Variants in TBKBP1 observed in about 807,000 individuals in gnomAD.
TBKBP1 encodes the protein TBK1 binding protein 1, also known as TANK-binding kinase 1-binding protein 1.
TBKBP1 carries 47 observed loss-of-function variants against 69.9 expected under a neutral mutation model. The ratio of observed to expected loss-of-function variants is 0.67; its 90% CI spans 0.53 to 0.86. The LOEUF (loss-of-function observed/expected upper bound fraction) is 0.86, where lower values mean the gene tolerates loss of function less well. TBKBP1 is among the 40% of genes least tolerant of loss of function. TBKBP1 has a pLI of 0.00. For missense variants in TBKBP1, 831 were observed against 858.6 expected, an observed-to-expected ratio of 0.97 and a Z score of 0.40; for synonymous variants, 418 against 390.3, an observed-to-expected ratio of 1.07 and a Z score of -0.84.
rs891887308 is a variant in TBKBP1 at position 47,709,250 on chromosome 17, G to A, written c.1517G>A (p.Arg506Gln). 3 of 1,522,056 alleles carry A rather than the reference G, an allele frequency of 2.0e-6. No homozygotes were observed. The highest frequency in any genetic ancestry group is 1.4e-5 in the African/African-American group (1 of 69,900). The allele number at this position is 1,522,056 out of a possible 1,614,324, so 94.3% of individuals were successfully genotyped here. ...LYGPGRPLSP[R>Q]RAFEGIRLRF... ...GGCCCTGGCAGGCCCCTCAGCCCGCGGCGCGCCTTCGAGGGCATCCGGCTG... is the reference window on the plus strand; with the variant it reads ...GGCCCTGGCAGGCCCCTCAGCCCGCAGCGCGCCTTCGAGGGCATCCGGCTG... The change falls in exon 9 of 10, where the codon CGG becomes CAG. Residue 506 changes from arginine to glutamine, a missense_variant. Transcript: ENST00000578982.
chr17:47,696,085 C>G lies in TBKBP1; in HGVS notation c.-28C>G. The G allele has an allele frequency of 6.4e-7, 1 of 1,573,434 alleles. No homozygotes were observed. Among genetic ancestry groups the G allele is most frequent in the Non-Finnish European group, 8.6e-7 (1 of 1,157,982 alleles). ...GTTGCTCCTGCTCTCCTAGGAGGCC[C>G]CGTGTGGGCCGCGGCCCGGCCCTCA... is the stretch of plus-strand genomic sequence containing the variant. On this transcript the variant is annotated 5_prime_UTR_variant, in exon 2 of 10. Transcript: ENST00000578982.
intron 5 of TBKBP1, 107 bp from the exon 6 acceptor site, chr17:47,699,213 C>G: frequency 7.9e-7 from 1 of 1,258,680 alleles, no homozygotes; most frequent in South Asian, 2.1e-5. Flanking sequence ...GCTAGCTGTC[C>G]TGGCTTCTCT....
In TBKBP1 at chr17:47,710,794, ACTCAGCTCTGGCTCTT is replaced by A; in HGVS notation, c.*170_*185del. ...TGCCATCTTCCCTGGTCCAGGCACCACTCAGCTCTGGCTCTTCCTGGGAGGTCAGCCGAGGCTCCCC... is the reference window on the plus strand; with the variant it reads ...TGCCATCTTCCCTGGTCCAGGCACCACCTGGGAGGTCAGCCGAGGCTCCCC... On this transcript the variant is annotated 3_prime_UTR_variant, in exon 10 of 10. Coordinates refer to ENST00000578982, the MANE Select transcript of TBKBP1 (RefSeq NM_001394755.1). 1.0e-6 allele frequency: 1 copy of A among 989,044 alleles called. No individual in the cohort carries two copies. The highest frequency in any genetic ancestry group is 1.4e-6 in the Non-Finnish European group (1 of 690,322). The allele number at this position is 989,044 out of a possible 1,614,324, so 61.3% of individuals were successfully genotyped here. A position where few individuals can be genotyped will look rare whatever the true frequency, so the allele number is the denominator to read the frequency against.
intron 9 of TBKBP1, among the ~76,000 whole-genome samples, chr17:47,709,793 C>T (rs1418361941): frequency 6.6e-6 from 1 of 152,260 alleles, no homozygotes; most frequent in Non-Finnish European, 1.5e-5. Flanking sequence ...CCTCAATATT[C>T]TCATCTGCAA....
chr17:47,708,450 A>C lies in TBKBP1; in HGVS notation c.929A>C (p.Glu310Ala). ...ACGGAGGAGCTGGGCCGGCTTCGGG[A>C]GTTGAGTTCCCTACAGGGGAGAATC... ...ELTEELGRLR[E>A]LSSLQGRILR... Residue 310 changes from glutamate to alanine, a missense_variant, in exon 8 of 10, where the codon GAG becomes GCG. Transcript: ENST00000578982. The surrounding 1 kb of genome is among the most constrained non-coding windows in gnomAD (Gnocchi z 4.4). 1 of 1,613,730 alleles carries C rather than the reference A, an allele frequency of 6.2e-7. No individual in the cohort carries two copies.
chr17:47,704,379 G>A lies in TBKBP1; in HGVS notation c.873-4015G>A, dbSNP rs572625136. ...GCAACTTCCTCCTCCCCGCCGGCCC[G>A]CAACCTCAAGTCCGTTCCACGGCCC... On this transcript the variant is annotated intron_variant, in intron 7 of 9. Transcript: ENST00000578982. Among the ~76,000 whole-genome samples the A allele has an allele frequency of 4.8e-3, 738 of 152,338 alleles. 3 individuals are homozygous for A. Among genetic ancestry groups the A allele is most frequent in the Non-Finnish European group, 8.1e-3 (554 of 68,024 alleles).
Position 47,697,155 on chromosome 17 carries a change from G to T in TBKBP1, c.415G>T (p.Val139Leu). Residue 139 changes from valine to leucine, a missense_variant, in exon 4 of 10, where the codon GTG (valine) becomes TTG (leucine). Coordinates refer to ENST00000578982, the MANE Select transcript of TBKBP1 (RefSeq NM_001394755.1). ...EMIQAYEKLC[V>L]EKSDLETELR... is the part of the protein sequence containing the mutation. ...GATCCAGGCCTACGAGAAACTCTGC[G>T]TGGAGAAGAGTGACTTGGAGACAGA... 1 of 1,613,180 alleles carries T rather than the reference G, an allele frequency of 6.2e-7. No homozygotes were observed. Among genetic ancestry groups the T allele is most frequent in the Non-Finnish European group, 8.5e-7 (1 of 1,179,538 alleles).
Position 47,696,804 on chromosome 17 carries a change from C to A in TBKBP1, c.319C>A (p.Gln107Lys). 2 of 1,613,912 alleles carry A rather than the reference C, an allele frequency of 1.2e-6. No individual in the cohort carries two copies. Among genetic ancestry groups the A allele is most frequent in the Non-Finnish European group, 1.7e-6 (2 of 1,179,826 alleles). ...SLLEVEKVSL[Q>K]QRLNQFQHEL... ...GCTGGAGGTGGAGAAGGTCAGCCTG[C>A]AGCAACGGCTCAACCAGTTCCAGCA... The change falls in exon 3 of 10, where the codon CAG becomes AAG. Residue 107 changes from glutamine to lysine, a missense_variant. Gln to Lys is a moderately conservative substitution (Grantham distance 53, BLOSUM62 1). Coordinates refer to ENST00000578982, the MANE Select transcript of TBKBP1 (RefSeq NM_001394755.1).
At chr17:47,701,811 C>T (rs1158440335) in intron 7 of TBKBP1, among the ~76,000 whole-genome samples, 2 of 152,250 alleles carry the variant, frequency 1.3e-5, no homozygotes, top group Non-Finnish European at 2.9e-5. Context: ...TTCCCTCTCT[C>T]TCTCAAGGCT....
chr17:47,706,863 A>ACACACACG (rs1555623212), intron 7 of TBKBP1, among the ~76,000 whole-genome samples: 4 of 151,248 alleles, frequency 2.6e-5, no homozygotes, highest in African/African-American at 7.3e-5. Flanking sequence ...ACACACACAC[A>ACACACACG]CACACACGCA....
intron 9 of TBKBP1, among the ~76,000 whole-genome samples, chr17:47,710,265 C>T (rs901042113): frequency 1.1e-4 from 17 of 152,280 alleles, no homozygotes; most frequent in Admixed American, 3.3e-4. Context: ...CCACAGATGC[C>T]CTGGCAAGCT....
chr17:47,698,737 A>G lies in TBKBP1; in HGVS notation c.596A>G (p.His199Arg). Residue 199 changes from histidine to arginine, a missense_variant, in exon 5 of 10, where the codon CAC (histidine) becomes CGC (arginine). Coordinates refer to ENST00000578982, the MANE Select transcript of TBKBP1 (RefSeq NM_001394755.1). Reference sequence around the variant, plus strand: ...CCTCCCTGCACTGATTTAGACCTGCACTACCTGGCACTGAGAGGGGGATCT... The same window carrying G: ...CCTCCCTGCACTGATTTAGACCTGCGCTACCTGGCACTGAGAGGGGGATCT... Reference protein sequence around the residue: ...PAPPCTDLDLHYLALRGGSGL... With the variant: ...PAPPCTDLDLRYLALRGGSGL... The G allele has an allele frequency of 6.3e-7, 1 of 1,590,222 alleles. No individual in the cohort carries two copies. The highest frequency in any genetic ancestry group is 8.6e-7 in the Non-Finnish European group (1 of 1,165,592).
chr17:47,695,407 C>T (rs2031183105), intron 1 of TBKBP1: 1 of 152,472 alleles, frequency 6.6e-6, no homozygotes, highest in African/African-American at 2.4e-5. Context: ...CCCCTTCCAC[C>T]TGGGTCCCCT....
intron 7 of TBKBP1, among the ~76,000 whole-genome samples, chr17:47,703,446 T>A (rs1327993209): frequency 6.6e-6 from 1 of 152,124 alleles, no homozygotes; most frequent in Non-Finnish European, 1.5e-5. Context: ...TTCTTTCAAG[T>A]CTCCTTCGGC....
At chr17:47,701,668 C>T (rs867265270) in intron 7 of TBKBP1, among the ~76,000 whole-genome samples, 2 of 152,090 alleles carry the variant, frequency 1.3e-5, no homozygotes, top group South Asian at 2.1e-4. Context: ...GAAGGTGAGG[C>T]GGTGGGTAGA....
At chr17:47,701,090 G>C (rs1378377447) in intron 7 of TBKBP1, among the ~76,000 whole-genome samples, 1 of 152,138 alleles carries the variant, frequency 6.6e-6, no homozygotes, top group Non-Finnish European at 1.5e-5. Context: ...GGGCTCCGGA[G>C]GTCTCCTGCC....
intron 1 of TBKBP1, 157 bp from the exon 2 acceptor site, chr17:47,695,922 G>T: frequency 3.5e-6 from 2 of 564,154 alleles, no homozygotes; most frequent in East Asian, 2.8e-5. Context: ...GGGCTGAGGA[G>T]TCTGGGAAGG....
intron 7 of TBKBP1, among the ~76,000 whole-genome samples, chr17:47,707,327 C>G (rs371985060): frequency 6.6e-6 from 1 of 152,140 alleles, no homozygotes; most frequent in South Asian, 2.1e-4. Flanking sequence ...TGCAAGTGAC[C>G]TAGAGATAAA....
intron 4 of TBKBP1, among the ~76,000 whole-genome samples, chr17:47,697,755 G>A (rs2031307615): frequency 6.6e-6 from 1 of 151,922 alleles, no homozygotes; most frequent in South Asian, 2.1e-4. Context: ...ACCAGCCTGG[G>A]CAACATAGTG....
Sources: gnomAD v4.1 joint callset for allele counts (sites outside exome capture counted in the v4.1 genomes callset) on GRCh38, gnomAD v4.1.1 for gene constraint, Gnocchi (gnomAD v3.1) non-coding constraint, MANE v1.5 for transcripts, NCBI Gene and HGNC (gene_info 2026-07-23, HGNC 2026-07-21) for gene names.